The following LCOR variants were observed in gnomAD, a reference collection of about 807,000 sequenced individuals.
LCOR encodes the protein ligand dependent nuclear receptor corepressor, also known as ligand-dependent corepressor.
A neutral mutation model predicts 64.4 loss-of-function variants in LCOR; 14 were observed. That is an observed-to-expected ratio of 0.22 (90% CI 0.14 to 0.34). LCOR has a LOEUF of 0.34. LCOR is among the 10% of genes least tolerant of loss of function. LCOR has a pLI of 1.00. For missense variants in LCOR, 1,686 were observed against 1,765.3 expected, an observed-to-expected ratio of 0.96 and a Z score of 0.80; for synonymous variants, 643 against 642.5, an observed-to-expected ratio of 1.00 and a Z score of -0.01.
chr10:96,833,048 G>A, intron 1 of LCOR: 1 of 986,346 alleles, frequency 1.0e-6, no homozygotes, highest in Non-Finnish European at 1.2e-6. Flanking sequence ...TGTCATGGCC[G>A]CGGGGGGCAG....
At chr10:96,947,463 G>A (rs1056833177) in intron 5 of LCOR, among the ~76,000 whole-genome samples, 2 of 152,082 alleles carry the variant, frequency 1.3e-5, no homozygotes, top group Non-Finnish European at 2.9e-5. Context: ...AGTAATTAGA[G>A]TCAGTTTTTC....
At chr10:96,853,750 AAT>A (rs1845757711) in intron 2 of LCOR, among the ~76,000 whole-genome samples, 1 of 152,226 alleles carries the variant, frequency 6.6e-6, no homozygotes, top group Non-Finnish European at 1.5e-5. Context: ...GCTATGAAGA[AAT>A]ACCCAAGACT....
intron 7 of LCOR, among the ~76,000 whole-genome samples, chr10:96,954,734 AG>A (rs1446756012): frequency 6.6e-6 from 1 of 152,100 alleles, no homozygotes; most frequent in Non-Finnish European, 1.5e-5. Flanking sequence ...TTGCCCAAAA[AG>A]CTCCTGATTT....
chr10:96,949,397 A>G (rs1589677181), intron 6 of LCOR, 102 bp downstream of exon 6: 13 of 1,003,754 alleles, frequency 1.3e-5, no homozygotes, highest in Middle Eastern at 5.6e-4. Context: ...CAATAATAGC[A>G]TAAAAACTAA....
At position 96,984,489 on chromosome 10, in the gene LCOR, G is replaced by A. The variant is rs557863694; in HGVS notation, c.4029G>A (p.Lys1343=). ...CAGATGCTCTGGCTGTGGAAAGTAA[G>A]CCAAGTCGTAAGAGCGTATGCATCA... ...ECPDALAVES[K]PSRKSVCINP... Residue 1343 remains lysine (K), a synonymous_variant, in exon 8 of 8, where the codon AAG becomes AAA. Transcript: ENST00000421806. 2.5e-6 allele frequency: 4 copies of A among 1,614,196 alleles called. No individual in the cohort carries two copies. The Admixed American group carries it at 5.0e-5, about 20-fold the overall frequency.
chr10:96,859,880 C>G (rs987743774), intron 2 of LCOR, among the ~76,000 whole-genome samples: 1 of 152,054 alleles, frequency 6.6e-6, no homozygotes, highest in African/African-American at 2.4e-5. Flanking sequence ...CTGTATAGTA[C>G]CAGCCAAACT....
chr10:96,960,003 A>G (rs1449158768), intron 7 of LCOR: 2 of 151,146 alleles, frequency 1.3e-5, no homozygotes, highest in African/African-American at 2.4e-5. Context: ...TTTCCCCAAC[A>G]TTTACCTTAG....
intron 4 of LCOR, among the ~76,000 whole-genome samples, chr10:96,913,563 A>G (rs1373060296): frequency 6.6e-6 from 1 of 152,212 alleles, no homozygotes; most frequent in East Asian, 1.9e-4. Context: ...TAGTTTATGC[A>G]CTTAGGTTTA....
chr10:96,906,088 A>AAAT, intron 2 of LCOR, among the ~76,000 whole-genome samples: 1 of 152,142 alleles, frequency 6.6e-6, no homozygotes, highest in Non-Finnish European at 1.5e-5. Flanking sequence ...CCGGCAGGAT[A>AAAT]TAGTATTTTA....
At chr10:96,856,111 C>A (rs1490166547) in intron 2 of LCOR, among the ~76,000 whole-genome samples, 1 of 151,764 alleles carries the variant, frequency 6.6e-6, no homozygotes, top group Admixed American at 6.6e-5. Context: ...CGCTCTGTTG[C>A]CCAGGCTGGA....
intron 4 of LCOR, chr10:96,915,774 C>T (rs1846931329): frequency 3.2e-6 from 2 of 618,822 alleles, no homozygotes; most frequent in Non-Finnish European, 3.1e-6. Context: ...TTTGCAGGGC[C>T]CTTTTGAAGC....
In LCOR at chr10:96,963,751, CT is replaced by C. The variant is rs1847917239; in HGVS notation, c.332+11559del. 3.9e-5 allele frequency: 6 copies of C among 152,196 alleles called. No individual in the cohort carries two copies. The South Asian group carries it at 1.2e-3, about 32-fold the overall frequency. 9.4% of individuals were successfully genotyped at this position (152,196 alleles called of 1,614,324 possible). A position where few individuals can be genotyped will look rare whatever the true frequency, so the allele number is the denominator to read the frequency against. On this transcript the variant is annotated intron_variant, in intron 7 of 7. Coordinates refer to ENST00000421806, the MANE Select transcript of LCOR (RefSeq NM_001346516.2). The stretch of plus-strand genomic sequence containing the variant: ...GTTAAGACTTGCCTCTTTAAAATTG[CT>C]TTTGTTTTCTGCAGTACTATCTGTG...
At chr10:96,942,458 G>GGAGGGAGAGGGAGAGGGAGAGGGA (rs71007310) in intron 4 of LCOR, among the ~76,000 whole-genome samples, 5 of 150,550 alleles carry the variant, frequency 3.3e-5, no homozygotes, top group African/African-American at 1.2e-4. Flanking sequence ...GAGAGGGAGA[G>GGAGGGAGAGGGAGAGGGAGAGGGA]GAGGGAGAGG....
chr10:96,841,217 C>A (rs1262513686), intron 2 of LCOR, among the ~76,000 whole-genome samples: 1 of 152,116 alleles, frequency 6.6e-6, no homozygotes, highest in Non-Finnish European at 1.5e-5. Flanking sequence ...AGTTGTCTCA[C>A]AAGAATTTTT....
rs1293660927 is a variant in LCOR at position 96,870,589 on chromosome 10, G to A, written c.-329-36676G>A. 1.3e-5 allele frequency among the ~76,000 whole-genome samples: 2 copies of A among 152,118 alleles called. 1 individual carries two copies. Among genetic ancestry groups the A allele is most frequent in the Non-Finnish European group, 2.9e-5 (2 of 68,014 alleles). The stretch of plus-strand genomic sequence containing the variant: ...CTTTTTAAAGTTTTGAAAAACATGT[G>A]CTATTTGGAATTACGTCATCCTCGA... On this transcript the variant is annotated intron_variant, in intron 2 of 7. Coordinates refer to ENST00000421806, the MANE Select transcript of LCOR (RefSeq NM_001346516.2).
intron 2 of LCOR, among the ~76,000 whole-genome samples, chr10:96,863,289 C>G (rs1352179432): frequency 1.3e-5 from 2 of 149,862 alleles, no homozygotes; most frequent in Non-Finnish European, 3.0e-5. Flanking sequence ...CTGCAACCTC[C>G]GCCTCCTTGT....
At chr10:96,969,801 CAA>C (rs201695885) in intron 7 of LCOR, among the ~76,000 whole-genome samples, 1,329 of 129,012 alleles carry the variant, frequency 0.01, 20 homozygotes, top group African/African-American at 0.034. Flanking sequence ...TTTTTTGAGA[CAA>C]GAGTCTCGCT....
chr10:96,948,939 T>C (rs1174832682), intron 5 of LCOR, 69 bp from the exon 6 acceptor site: 2 of 1,147,920 alleles, frequency 1.7e-6, no homozygotes, highest in African/African-American at 1.5e-5. Flanking sequence ...TGAAATTTTA[T>C]GTTTACTTGA....
intron 2 of LCOR, among the ~76,000 whole-genome samples, chr10:96,857,935 T>C (rs971132770): frequency 1.3e-5 from 2 of 152,212 alleles, no homozygotes; most frequent in African/African-American, 4.8e-5. Context: ...CTTCTTACCA[T>C]AAAATAGCTC....
Sources: gnomAD v4.1 joint callset for allele counts (sites outside exome capture counted in the v4.1 genomes callset) on GRCh38, gnomAD v4.1.1 for gene constraint, MANE v1.5 for transcripts, NCBI Gene and HGNC (gene_info 2026-07-23, HGNC 2026-07-21) for gene names.